The following TRMT11 variants were observed in gnomAD, a reference collection of about 807,000 sequenced individuals.
TRMT11 encodes tRNA (guanine(10)-N(2))-methyltransferase TRMT11.
TRMT11 carries 53 observed loss-of-function variants against 62.8 expected under a neutral mutation model. The ratio of observed to expected loss-of-function variants is 0.84; its 90% CI spans 0.68 to 1.06. The LOEUF (loss-of-function observed/expected upper bound fraction) is 1.06, where lower values mean the gene tolerates loss of function less well. Ranked by LOEUF, TRMT11 falls within the 50% of genes least tolerant of loss-of-function variation. TRMT11 has a pLI of 0.00. For synonymous variants in TRMT11, 188 were observed against 190.3 expected (o/e 0.99, Z 0.10); for missense variants, 556 against 553.4 (o/e 1.00, Z -0.05).
At chr6:125,991,656 G>A (rs1189384774) in intron 1 of TRMT11, among the ~76,000 whole-genome samples, 1 of 152,168 alleles carries the variant, frequency 6.6e-6, no homozygotes, top group Non-Finnish European at 1.5e-5. Context: ...GAAAGGCAAT[G>A]CAAAGGACAG....
At chr6:126,133,281 G>A (rs143726404) in intron 21 of TRMT11, among the ~76,000 whole-genome samples, 12 of 151,912 alleles carry the variant, frequency 7.9e-5, no homozygotes, top group South Asian at 2.1e-4. Flanking sequence ...TCTTTATTTC[G>A]CAGTTAAGTG....
At chr6:126,028,938 AAGTACT>A (rs1192833363) in intron 12 of TRMT11, among the ~76,000 whole-genome samples, 5 of 152,138 alleles carry the variant, frequency 3.3e-5, no homozygotes, top group African/African-American at 1.2e-4. Flanking sequence ...ACAGTTTTTA[AAGTACT>A]AGTGTTATAA....
At chr6:126,020,429 T>G (rs528663524) in intron 11 of TRMT11, among the ~76,000 whole-genome samples, 54 of 152,324 alleles carry the variant, frequency 3.5e-4, no homozygotes, top group South Asian at 6.2e-4. Context: ...ACCTGTCAGA[T>G]GCCAGATTCT....
chr6:126,100,343 A>G (rs1224680097), intron 17 of TRMT11, among the ~76,000 whole-genome samples: 1 of 152,212 alleles, frequency 6.6e-6, no homozygotes, highest in Admixed American at 6.5e-5. Context: ...TGAGATTTCA[A>G]TAGCTGGAAC....
At chr6:126,043,672 A>AGT (rs1775953082), downstream of TRMT11, among the ~76,000 whole-genome samples, 1 of 152,126 alleles carries the variant, frequency 6.6e-6, no homozygotes, top group Non-Finnish European at 1.5e-5. Flanking sequence ...TCCCACCAAC[A>AGT]GTGTAAAACT....
intron 16 of TRMT11, among the ~76,000 whole-genome samples, chr6:126,050,784 CTG>C (rs553115380): frequency 3.4e-4 from 52 of 152,196 alleles, no homozygotes; most frequent in African/African-American, 1.2e-3. Flanking sequence ...ATGTGAGAAT[CTG>C]AACCAACAGT....
chr6:125,990,198 T>A (rs545305169), intron 1 of TRMT11, among the ~76,000 whole-genome samples: 41 of 152,316 alleles, frequency 2.7e-4, no homozygotes, highest in South Asian at 1.2e-3. Flanking sequence ...GGGCTATTTT[T>A]AAAATATATG....
chr6:126,031,593 A>G (rs963243661), intron 12 of TRMT11, among the ~76,000 whole-genome samples: 3 of 152,190 alleles, frequency 2.0e-5, no homozygotes, highest in African/African-American at 7.2e-5. Context: ...AGCAAGATAC[A>G]GAAGCATGAG....
At chr6:126,237,065 TAGAGAGAGAG>T in the TRMT11 span, among the ~76,000 whole-genome samples, 1 of 142,466 alleles carries the variant, frequency 7.0e-6, no homozygotes, top group Admixed American at 7.0e-5. Flanking sequence ...CTCCTAGAGA[TAGAGAGAGAG>T]AGAGAGAGAG....
the TRMT11 span, among the ~76,000 whole-genome samples, chr6:126,263,476 T>A: frequency 6.6e-6 from 1 of 152,162 alleles, no homozygotes; most frequent in South Asian, 2.1e-4. Flanking sequence ...CACAAAAACA[T>A]GCAAAATGAC....
the TRMT11 span, among the ~76,000 whole-genome samples, chr6:126,218,999 T>A: frequency 1.3e-5 from 2 of 152,074 alleles, no homozygotes; most frequent in Admixed American, 1.3e-4. Flanking sequence ...TAAGTTCCAA[T>A]ACAAAGTCCC....
chr6:126,047,644 T>C (rs1776096722), intron 16 of TRMT11, among the ~76,000 whole-genome samples: 2 of 152,154 alleles, frequency 1.3e-5, no homozygotes, highest in African/African-American at 4.8e-5. Context: ...AACACTTAGC[T>C]GTCCACAGAC....
chr6:126,181,234 G>A (rs766763798), intron 1 of TRMT11, among the ~76,000 whole-genome samples: 8 of 152,262 alleles, frequency 5.3e-5, no homozygotes, highest in Non-Finnish European at 1.0e-4. Flanking sequence ...AAGATTTTGT[G>A]TCTGGGTGAA....
rs754165136 is a variant in TRMT11, at chr6:126,012,832, G to T, written c.987G>T (p.Gly329=). The change falls in exon 10 of 13, where the codon GGG becomes GGT. Residue 329 remains glycine, a synonymous_variant. Coordinates refer to ENST00000334379, the MANE Select transcript of TRMT11 (RefSeq NM_001031712.3). ...GTTCACAGAAGGAGATACCAAAGGG[G>T]ATAGAAAAATGGGAAAAATGGTAAG... is the stretch of plus-strand genomic sequence containing the variant. ...RTGSQKEIPK[G]IEKWEKCPES... 6.2e-7 allele frequency: 1 copy of T among 1,613,698 alleles called. No individual in the cohort carries two copies. The highest frequency in any genetic ancestry group is 1.1e-5 in the South Asian group (1 of 91,064).
intron 17 of TRMT11, among the ~76,000 whole-genome samples, chr6:126,062,768 CTTTATTT>C (rs1474897514): frequency 1.3e-5 from 2 of 152,062 alleles, no homozygotes; most frequent in Non-Finnish European, 2.9e-5. Flanking sequence ...AAATGTGTTT[CTTTATTT>C]TTTATTAGTG....
intron 1 of TRMT11, among the ~76,000 whole-genome samples, chr6:126,183,996 CA>C (rs1472409423): frequency 6.6e-6 from 1 of 152,048 alleles, no homozygotes; most frequent in Non-Finnish European, 1.5e-5. Flanking sequence ...GATGAGATGT[CA>C]TTTTGGTCTT....
chr6:126,031,023 C>A (rs867822378), intron 12 of TRMT11, among the ~76,000 whole-genome samples: 1 of 151,960 alleles, frequency 6.6e-6, no homozygotes, highest in African/African-American at 2.4e-5. Context: ...TACAGTGAAG[C>A]GAGTAGGAGC....
chr6:126,137,759 T>C (rs543652967), intron 21 of TRMT11, among the ~76,000 whole-genome samples: 9 of 151,872 alleles, frequency 5.9e-5, no homozygotes, highest in Non-Finnish European at 1.2e-4. Flanking sequence ...AAATATAGTG[T>C]ATATACACAA....
intron 21 of TRMT11, among the ~76,000 whole-genome samples, chr6:126,135,939 C>T (rs1207189425): frequency 2.0e-5 from 3 of 151,770 alleles, no homozygotes; most frequent in Admixed American, 6.6e-5. Context: ...TTCAACATCC[C>T]TTTATGATAA....
Sources: allele counts gnomAD v4.1 joint callset (sites outside exome capture counted in the v4.1 genomes callset), GRCh38; gene constraint gnomAD v4.1.1; transcripts MANE v1.5; gene names NCBI Gene and HGNC (gene_info 2026-07-23, HGNC 2026-07-21).